CC2D2A: variants seen among roughly 807,000 people sequenced by gnomAD.
CC2D2A encodes coiled-coil and C2 domain-containing protein 2A.
In CC2D2A, 155 loss-of-function variants were observed where a neutral mutation model predicts 212.9. That is an observed-to-expected ratio of 0.73 (90% CI 0.64 to 0.83). The LOEUF (loss-of-function observed/expected upper bound fraction) is 0.83, where lower values mean the gene tolerates loss of function less well. CC2D2A is among the 40% of genes least tolerant of loss of function. CC2D2A has a pLI of 0.00. For missense variants in CC2D2A, 1,856 were observed against 1,956.2 expected, an observed-to-expected ratio of 0.95 and a Z score of 0.97; for synonymous variants, 667 against 686.5, an observed-to-expected ratio of 0.97 and a Z score of 0.44.
intron 6 of CC2D2A, among the ~76,000 whole-genome samples, chr4:15,509,755 T>C (rs904387644): frequency 2.0e-5 from 3 of 152,180 alleles, no homozygotes; most frequent in Non-Finnish European, 2.9e-5. Context: ...TGTGAACCCA[T>C]TGTGTGAAGG....
At chr4:15,508,728 G>A (rs934624772) in intron 6 of CC2D2A, among the ~76,000 whole-genome samples, 4 of 152,184 alleles carry the variant, frequency 2.6e-5, no homozygotes, top group African/African-American at 9.7e-5. Context: ...GGTAGGACTT[G>A]GGAAGGATAT....
intron 31 of CC2D2A, 95 bp downstream of exon 31, chr4:15,586,341 A>G (rs1331832987): frequency 2.8e-6 from 2 of 724,022 alleles, no homozygotes; most frequent in Non-Finnish European, 4.3e-6. Flanking sequence ...AACATTCATT[A>G]GCCATAAAAA....
chr4:15,506,173 T>C (rs1716244860), intron 6 of CC2D2A, among the ~76,000 whole-genome samples: 3 of 152,232 alleles, frequency 2.0e-5, no homozygotes, highest in East Asian at 1.9e-4. Flanking sequence ...AAATGTATTA[T>C]AGTTCTTTAA....
intron 9 of CC2D2A, 42 bp downstream of exon 9, chr4:15,514,911 C>G: frequency 6.3e-7 from 1 of 1,578,400 alleles, no homozygotes; most frequent in Non-Finnish European, 8.7e-7. Context: ...TAGACATCGT[C>G]ACTTACCTTG....
chr4:15,493,141 C>T (rs1422445641), intron 4 of CC2D2A, among the ~76,000 whole-genome samples: 1 of 152,134 alleles, frequency 6.6e-6, no homozygotes, highest in Admixed American at 6.5e-5. Context: ...AGTACCCTAC[C>T]TGTACCTGAA....
At chr4:15,491,983 C>T (rs1185677595) in intron 4 of CC2D2A, among the ~76,000 whole-genome samples, 1 of 152,102 alleles carries the variant, frequency 6.6e-6, no homozygotes, top group Non-Finnish European at 1.5e-5. Context: ...AATTTTCTCC[C>T]ATGTTTTCTT....
intron 8 of CC2D2A, 141 bp from the exon 9 acceptor site, chr4:15,514,566 T>C: frequency 1.5e-6 from 1 of 661,204 alleles, no homozygotes; most frequent in East Asian, 3.0e-5. Context: ...GGTTATATAG[T>C]TCTATGCTTT....
At chr4:15,520,881 G>A (rs1207719556) in intron 11 of CC2D2A, among the ~76,000 whole-genome samples, 1 of 152,112 alleles carries the variant, frequency 6.6e-6, no homozygotes, top group African/African-American at 2.4e-5. Context: ...TAAGGAACTT[G>A]GGCTCCAGCT....
chr4:15,595,213 A>G (rs1035477400), intron 33 of CC2D2A, among the ~76,000 whole-genome samples: 2 of 152,192 alleles, frequency 1.3e-5, no homozygotes. Context: ...GCCTCAACAT[A>G]GTAGGTAGCT....
chr4:15,594,834 G>A (rs1228520719), intron 33 of CC2D2A, among the ~76,000 whole-genome samples: 2 of 152,038 alleles, frequency 1.3e-5, no homozygotes, highest in African/African-American at 4.8e-5. Context: ...ACAGGAACTT[G>A]CTGTCATCCA....
intron 4 of CC2D2A, among the ~76,000 whole-genome samples, chr4:15,501,923 T>C (rs1022736798): frequency 3.3e-5 from 5 of 152,196 alleles, no homozygotes; most frequent in Non-Finnish European, 1.5e-5. Flanking sequence ...ATATTGTCTC[T>C]ATGATATAGC....
chr4:15,502,414 G>A lies in CC2D2A; in HGVS notation c.248-15G>A, dbSNP rs756298299. ...TTTTTTTTTATTTTGTTTTGTTTTT[G>A]TTTTTGTTTTTTAGGCTTACCTCCA... On this transcript the variant is annotated splice_polypyrimidine_tract_variant and intron_variant, in intron 4 of 36. Transcript: ENST00000424120. 7.2e-6 allele frequency: 11 copies of A among 1,532,780 alleles called. No individual in the cohort carries two copies. Among genetic ancestry groups the A allele is most frequent in the Admixed American group, 6.3e-5 (3 of 47,794 alleles). 94.9% of individuals were successfully genotyped at this position (1,532,780 alleles called of 1,614,324 possible).
At chr4:15,532,172 A>C (rs1008742351) in intron 13 of CC2D2A, among the ~76,000 whole-genome samples, 7 of 152,174 alleles carry the variant, frequency 4.6e-5, no homozygotes, top group African/African-American at 1.7e-4. Context: ...TGGTCCTCAA[A>C]GAGAATATTT....
chr4:15,553,899 ACAGT>A (rs925940336), intron 19 of CC2D2A, among the ~76,000 whole-genome samples: 23 of 152,342 alleles, frequency 1.5e-4, no homozygotes, highest in African/African-American at 5.1e-4. Context: ...AGATGTGTCT[ACAGT>A]CAATCATTTC....
rs776829032 is a variant in CC2D2A at position 15,511,435 on chromosome 4, C to G, written c.717+12C>G. 7.9e-6 allele frequency: 12 copies of G among 1,522,802 alleles called. No homozygotes were observed. Among genetic ancestry groups the G allele is most frequent in the Non-Finnish European group, 6.1e-6 (7 of 1,144,236 alleles). 94.3% of individuals were successfully genotyped at this position (1,522,802 alleles called of 1,614,324 possible). On this transcript the variant is annotated intron_variant, in intron 8 of 36. Coordinates refer to ENST00000424120, the MANE Select transcript of CC2D2A (RefSeq NM_001378615.1). ...GAGGAAAGGAAATGGTATTTAATAT[C>G]AGGATGGTAATGAGGTGTGGGTGGA...
chr4:15,527,469 G>C lies in CC2D2A; in HGVS notation c.1172G>C (p.Ser391Thr), dbSNP rs757937892. Residue 391 changes from serine (S) to threonine (T), a missense_variant, in exon 12 of 37, where the codon AGT becomes ACT. Ser to Thr is a moderately conservative substitution (Grantham distance 58). This residue lies in a region of CC2D2A where 1,512 missense variants were observed against 1,579.3 expected (regional missense o/e 0.96). Transcript: ENST00000424120. ...YKKAVKYVHS[S>T]QHVIRSGDPP... ...CAGGCTGTAAAATACGTTCACAGTA[G>C]TCAGCATGTGATCAGATCTGGAGAC... The C allele has an allele frequency of 1.2e-6, 2 of 1,613,272 alleles. No individual in the cohort carries two copies. Among genetic ancestry groups the C allele is most frequent in the African/African-American group, 1.3e-5 (1 of 74,924 alleles).
chr4:15,515,194 A>G (rs562485814), intron 9 of CC2D2A, among the ~76,000 whole-genome samples: 2 of 152,256 alleles, frequency 1.3e-5, no homozygotes, highest in South Asian at 4.2e-4. Context: ...CTAAGTCACC[A>G]TCTCCTGTGT....
At chr4:15,560,084 G>T (rs1719495885) in intron 22 of CC2D2A, among the ~76,000 whole-genome samples, 1 of 139,060 alleles carries the variant, frequency 7.2e-6, no homozygotes, top group Non-Finnish European at 1.6e-5. Flanking sequence ...CACCCACCTT[G>T]GCCTCTCAAA....
chr4:15,485,212 T>C (rs912950799), intron 4 of CC2D2A, among the ~76,000 whole-genome samples: 3 of 152,256 alleles, frequency 2.0e-5, no homozygotes, highest in African/African-American at 7.2e-5. Context: ...CTCCCACATA[T>C]GAGTGAAAAC....
Sources: allele counts gnomAD v4.1 joint callset (sites outside exome capture counted in the v4.1 genomes callset), GRCh38; gene constraint gnomAD v4.1.1; regional missense constraint gnomAD v4.1.1; transcripts MANE v1.5; gene names NCBI Gene and HGNC (gene_info 2026-07-23, HGNC 2026-07-21).